Variants in C12orf42 observed in about 807,000 individuals in gnomAD.
C12orf42 encodes chromosome 12 open reading frame 42.
A neutral mutation model predicts 21.6 loss-of-function variants in C12orf42; 25 were observed. The observed-to-expected ratio is 1.16, with a 90% CI of 0.84 to 1.62. The LOEUF is 1.62. Among genes scored for constraint, C12orf42 ranks in the 40% most tolerant of loss-of-function variants. C12orf42 has a pLI of 0.00. For missense variants in C12orf42, 483 were observed against 459.3 expected (o/e 1.05, Z -0.47); for synonymous variants, 174 against 175.0 (o/e 0.99, Z 0.05).
chr12:103,484,619 T>G (rs895222189), intron 1 of C12orf42, among the ~76,000 whole-genome samples: 4 of 152,194 alleles, frequency 2.6e-5, no homozygotes, highest in Non-Finnish European at 5.9e-5. Flanking sequence ...ACCTGTTCAC[T>G]CTGATGGTAG....
chr12:103,479,597 A>G (rs889098967), intron 1 of C12orf42, among the ~76,000 whole-genome samples: 1 of 152,076 alleles, frequency 6.6e-6, no homozygotes, highest in Non-Finnish European at 1.5e-5. Context: ...TGTCTTTATC[A>G]AGTAAATTTT....
At chr12:103,208,279 A>ATTACTAG in the C12orf42 span, among the ~76,000 whole-genome samples, 1 of 152,088 alleles carries the variant, frequency 6.6e-6, no homozygotes, top group South Asian at 2.1e-4. Flanking sequence ...ACACACTAAT[A>ATTACTAG]CCAAGCCACT....
chr12:103,408,737 T>C (rs2048609377), intron 2 of C12orf42, among the ~76,000 whole-genome samples: 1 of 152,214 alleles, frequency 6.6e-6, no homozygotes. Flanking sequence ...GACAAGCTTC[T>C]TAAAGTTTCA....
At chr12:103,348,129 A>G (rs1246361972) in intron 4 of C12orf42, among the ~76,000 whole-genome samples, 1 of 152,230 alleles carries the variant, frequency 6.6e-6, no homozygotes, top group African/African-American at 2.4e-5. Flanking sequence ...ACTGATGTGT[A>G]AGGCAGGCCA....
the C12orf42 span, among the ~76,000 whole-genome samples, chr12:103,177,751 GCTGCTTTTGTGTATTAAA>G: frequency 6.6e-6 from 1 of 152,118 alleles, no homozygotes; most frequent in Non-Finnish European, 1.5e-5. Flanking sequence ...CTTCTCCGAT[GCTGCTTTTGTGTATTAAA>G]CTCAGACTAA....
At chr12:103,463,209 G>C (rs1952861001) in intron 2 of C12orf42, among the ~76,000 whole-genome samples, 1 of 152,110 alleles carries the variant, frequency 6.6e-6, no homozygotes, top group African/African-American at 2.4e-5. Flanking sequence ...CTAATTGAGG[G>C]GTTAAGGTTT....
intron 2 of C12orf42, among the ~76,000 whole-genome samples, chr12:103,428,922 T>G (rs1756796247): frequency 6.6e-6 from 1 of 152,116 alleles, no homozygotes; most frequent in African/African-American, 2.4e-5. Flanking sequence ...TCAACACCCC[T>G]TCATGCTAAA....
intron 5 of C12orf42, chr12:103,273,865 C>A (rs1430996701): frequency 4.4e-6 from 2 of 456,296 alleles, no homozygotes; most frequent in Admixed American, 4.7e-5. Flanking sequence ...AGCAGGTCTC[C>A]TCATAGTGGC....
chr12:103,348,779 A>G (rs1190891826), intron 4 of C12orf42, among the ~76,000 whole-genome samples: 1 of 152,194 alleles, frequency 6.6e-6, no homozygotes, highest in Non-Finnish European at 1.5e-5. Flanking sequence ...ATGATTAAAA[A>G]CAACAGGATG....
At chr12:103,172,073 G>T in the C12orf42 span, among the ~76,000 whole-genome samples, 1 of 152,136 alleles carries the variant, frequency 6.6e-6, no homozygotes, top group Non-Finnish European at 1.5e-5. Context: ...GCCAAGTCCA[G>T]TCTGTTTCTA....
chr12:103,410,561 A>C (rs1346144589), intron 2 of C12orf42, among the ~76,000 whole-genome samples: 23 of 152,228 alleles, frequency 1.5e-4, no homozygotes, highest in Admixed American at 1.5e-3. Flanking sequence ...CATGGCCACA[A>C]GCAAGCCCCA....
intron 2 of C12orf42, among the ~76,000 whole-genome samples, chr12:103,408,848 C>T (rs762856251): frequency 1.3e-5 from 2 of 152,174 alleles, no homozygotes; most frequent in African/African-American, 2.4e-5. Context: ...TAACTCTTCC[C>T]TTCCTCTGGT....
chr12:103,399,536 T>C (rs2047817734), intron 3 of C12orf42, among the ~76,000 whole-genome samples: 2 of 148,218 alleles, frequency 1.3e-5, no homozygotes, highest in Non-Finnish European at 3.0e-5. Context: ...AGGCCTTCCA[T>C]GACCACCCTA....
chr12:103,371,185 T>A (rs1342093471), intron 3 of C12orf42, among the ~76,000 whole-genome samples: 2 of 152,130 alleles, frequency 1.3e-5, no homozygotes, highest in Non-Finnish European at 2.9e-5. Flanking sequence ...ATCTTGTCAC[T>A]TCATACGGCC....
chr12:103,425,658 T>C (rs11111565), intron 2 of C12orf42, among the ~76,000 whole-genome samples: 125,879 of 152,062 alleles, frequency 0.83, 52,138 homozygotes, highest in Admixed American at 0.88. Context: ...CAAAAAAGGA[T>C]GTCCACACCA....
intron 2 of C12orf42, among the ~76,000 whole-genome samples, chr12:103,472,890 G>C (rs999087085): frequency 6.6e-6 from 1 of 152,196 alleles, no homozygotes; most frequent in African/African-American, 2.4e-5. Flanking sequence ...GCAGGTCCTG[G>C]TGGCTTTTTG....
the C12orf42 span, among the ~76,000 whole-genome samples, chr12:103,156,849 C>T: frequency 1.3e-5 from 2 of 152,088 alleles, no homozygotes; most frequent in African/African-American, 4.8e-5. Context: ...TGTATATAGA[C>T]CACATTTTTT....
chr12:103,270,555 TTTTATTTTA>T (rs1378367206), intron 5 of C12orf42, among the ~76,000 whole-genome samples: 2 of 138,244 alleles, frequency 1.4e-5, no homozygotes, highest in Non-Finnish European at 3.1e-5. Context: ...TTGATCAATA[TTTTATTTTA>T]TTTATTTATT....
intron 10 of C12orf42, among the ~76,000 whole-genome samples, chr12:103,249,977 T>C (rs183818326): frequency 1.3e-4 from 20 of 152,198 alleles, no homozygotes; most frequent in Non-Finnish European, 2.6e-4. Flanking sequence ...ATATTCCCTG[T>C]AGAACATCAG....
Sources: gnomAD v4.1 joint callset for allele counts (sites outside exome capture counted in the v4.1 genomes callset) on GRCh38, gnomAD v4.1.1 for gene constraint, MANE v1.5 for transcripts, NCBI Gene and HGNC (gene_info 2026-07-23, HGNC 2026-07-21) for gene names.